TAFA1: variants seen among roughly 807,000 people sequenced by gnomAD.
TAFA1 encodes chemokine-like protein TAFA-1.
A neutral mutation model predicts 18.5 loss-of-function variants in TAFA1; 4 were observed. The observed-to-expected ratio is 0.22, with a 90% CI of 0.11 to 0.49. The LOEUF (loss-of-function observed/expected upper bound fraction) is 0.49. Among genes scored for constraint, TAFA1 ranks in the 20% least tolerant of loss-of-function variants. TAFA1 has a pLI of 0.98. For missense variants in TAFA1, 147 were observed against 169.0 expected, an observed-to-expected ratio of 0.87 and a Z score of 0.72; for synonymous variants, 56 against 55.2, an observed-to-expected ratio of 1.01 and a Z score of -0.06.
intron 2 of TAFA1, among the ~76,000 whole-genome samples, chr3:68,295,671 G>A (rs1409153317): frequency 3.3e-5 from 5 of 152,204 alleles, no homozygotes; most frequent in East Asian, 1.9e-4. Flanking sequence ...CAGTGATGTC[G>A]TCATAACTCA....
intron 3 of TAFA1, among the ~76,000 whole-genome samples, chr3:68,516,488 A>G (rs1283853439): frequency 3.9e-5 from 6 of 152,130 alleles, no homozygotes; most frequent in Non-Finnish European, 4.4e-5. Context: ...GTTCCTTCAT[A>G]TTTTATAGTT....
At chr3:68,220,218 T>A (rs936604122) in intron 2 of TAFA1, among the ~76,000 whole-genome samples, 4 of 152,148 alleles carry the variant, frequency 2.6e-5, no homozygotes, top group Admixed American at 6.5e-5. Flanking sequence ...CTGAGATAGA[T>A]GTCCTCAAAT....
intron 2 of TAFA1, among the ~76,000 whole-genome samples, chr3:68,176,877 G>C (rs2066133125): frequency 6.6e-6 from 1 of 152,190 alleles, no homozygotes; most frequent in Non-Finnish European, 1.5e-5. Flanking sequence ...CTCAACCTGG[G>C]AGTAGATTGT....
intron 2 of TAFA1, among the ~76,000 whole-genome samples, chr3:68,202,686 T>A (rs1491736): frequency 0.64 from 96,764 of 151,344 alleles, 31,677 homozygotes; most frequent in South Asian, 0.77. Context: ...AACAAAACAA[T>A]ACTAATTTCT....
intron 2 of TAFA1, among the ~76,000 whole-genome samples, chr3:68,374,671 C>T (rs1054892198): frequency 2.0e-5 from 3 of 152,248 alleles, no homozygotes; most frequent in African/African-American, 7.2e-5. Flanking sequence ...TTCTAAAAAC[C>T]GCAATGCTGT....
chr3:68,020,536 T>A (rs1035433301), intron 2 of TAFA1, among the ~76,000 whole-genome samples: 1 of 152,188 alleles, frequency 6.6e-6, no homozygotes, highest in Admixed American at 6.5e-5. Context: ...TAGGACATGT[T>A]ATCTTCTTAT....
chr3:68,352,876 A>G (rs898197536), intron 2 of TAFA1, among the ~76,000 whole-genome samples: 5 of 152,022 alleles, frequency 3.3e-5, no homozygotes, highest in Admixed American at 6.6e-5. Flanking sequence ...TAGAGCCCAC[A>G]TCTGTCATTT....
At chr3:68,519,927 C>A (rs530445536) in intron 3 of TAFA1, among the ~76,000 whole-genome samples, 2 of 152,172 alleles carry the variant, frequency 1.3e-5, no homozygotes, top group Non-Finnish European at 2.9e-5. Flanking sequence ...TATTACCTTT[C>A]TGAATTGAGG....
At chr3:68,416,683 A>G (rs1476384044) in intron 2 of TAFA1, among the ~76,000 whole-genome samples, 1 of 152,228 alleles carries the variant, frequency 6.6e-6, no homozygotes, top group Non-Finnish European at 1.5e-5. Flanking sequence ...AAGTCAAGCT[A>G]TATGACCAGG....
intron 2 of TAFA1, among the ~76,000 whole-genome samples, chr3:68,266,615 G>A (rs2067551682): frequency 6.6e-6 from 1 of 151,988 alleles, no homozygotes; most frequent in Non-Finnish European, 1.5e-5. Flanking sequence ...CTAGAACATA[G>A]GGCTGCAAAC....
intron 2 of TAFA1, among the ~76,000 whole-genome samples, chr3:68,334,341 A>T (rs2068934560): frequency 6.6e-6 from 1 of 151,366 alleles, no homozygotes; most frequent in African/African-American, 2.4e-5. Context: ...CAGTGCTGAG[A>T]TACTATATTT....
intron 2 of TAFA1, among the ~76,000 whole-genome samples, chr3:68,273,187 C>T (rs1384142854): frequency 6.6e-6 from 1 of 152,074 alleles, no homozygotes; most frequent in African/African-American, 2.4e-5. Context: ...TAAAAGCCTT[C>T]AACCATGTGA....
chr3:68,493,372 G>T (rs555574046), intron 3 of TAFA1, among the ~76,000 whole-genome samples: 4 of 152,168 alleles, frequency 2.6e-5, no homozygotes, highest in South Asian at 4.1e-4. Context: ...ACTACATTTT[G>T]TTTTTCTATT....
Position 68,250,525 on chromosome 3 carries a change from C to A in TAFA1, c.119-166755C>A, listed in dbSNP as rs552517561. Reference sequence around the variant, plus strand: ...CTCACAGCGTCCCCACAGCAGCTATCCAGGCTTCCTAGGAATAACACACAA... The same window carrying A: ...CTCACAGCGTCCCCACAGCAGCTATACAGGCTTCCTAGGAATAACACACAA... On this transcript the variant is annotated intron_variant, in intron 2 of 4. Coordinates refer to ENST00000478136, the MANE Select transcript of TAFA1 (RefSeq NM_213609.4). Among the ~76,000 whole-genome samples the A allele has an allele frequency of 2.0e-5, 3 of 152,186 alleles. No homozygotes were observed. The South Asian group carries it at 6.2e-4, about 32-fold the overall frequency.
chr3:68,117,181 C>G (rs1377669604), intron 2 of TAFA1, among the ~76,000 whole-genome samples: 2 of 152,320 alleles, frequency 1.3e-5, no homozygotes, highest in East Asian at 3.9e-4. Context: ...TTACTCTCCT[C>G]ATTGCATTAT....
At chr3:68,486,102 G>GTTTTGTTTTATTTTA (rs1553696083) in intron 3 of TAFA1, among the ~76,000 whole-genome samples, 4 of 121,388 alleles carry the variant, frequency 3.3e-5, no homozygotes, top group African/African-American at 1.2e-4. Flanking sequence ...ATTTTATTTT[G>GTTTTGTTTTATTTTA]TTTTATTTTA....
chr3:68,085,678 G>C lies in TAFA1; in HGVS notation c.118+78934G>C, dbSNP rs563149063. Among the ~76,000 whole-genome samples the C allele has an allele frequency of 5.5e-4, 84 of 152,292 alleles. 2 individuals carry two copies. The highest frequency in any genetic ancestry group is 1.9e-3 in the African/African-American group (79 of 41,574). On this transcript the variant is annotated intron_variant, in intron 2 of 4. Transcript: ENST00000478136. ...TTTTGATTTTTATCCACTCCAAAGAGTATATCTGCGTATTCCAATAATCCA... is the reference window on the plus strand; with the variant it reads ...TTTTGATTTTTATCCACTCCAAAGACTATATCTGCGTATTCCAATAATCCA...
intron 2 of TAFA1, among the ~76,000 whole-genome samples, chr3:68,284,999 G>T (rs1418244509): frequency 6.6e-6 from 1 of 152,032 alleles, no homozygotes; most frequent in Admixed American, 6.6e-5. Context: ...GAGGTGGGAG[G>T]ATCACTTGAG....
chr3:68,270,404 C>T (rs2067642179), intron 2 of TAFA1, among the ~76,000 whole-genome samples: 2 of 152,124 alleles, frequency 1.3e-5, no homozygotes, highest in South Asian at 4.1e-4. Context: ...CCTCAAACCT[C>T]TTATGTTGCC....
Sources: allele counts gnomAD v4.1 joint callset (sites outside exome capture counted in the v4.1 genomes callset), GRCh38; gene constraint gnomAD v4.1.1; transcripts MANE v1.5; gene names NCBI Gene and HGNC (gene_info 2026-07-23, HGNC 2026-07-21).